Variants in ERN1 observed in about 807,000 individuals in gnomAD.
The protein encoded by ERN1 is endoplasmic reticulum to nucleus signaling 1, also known as serine/threonine-protein kinase/endoribonuclease IRE1.
ERN1 carries 39 observed loss-of-function variants against 113.1 expected under a neutral mutation model. That is an observed-to-expected ratio of 0.34 (90% CI 0.27 to 0.45). ERN1 has a LOEUF of 0.45. Among genes scored for constraint, ERN1 ranks in the 20% least tolerant of loss-of-function variants. ERN1 has a pLI of 1.00. For missense variants in ERN1, 976 were observed against 1,274.8 expected, an observed-to-expected ratio of 0.77 and a Z score of 3.57; for synonymous variants, 507 against 515.9, an observed-to-expected ratio of 0.98 and a Z score of 0.23.
chr17:64,120,501 T>C (rs1345453479), intron 1 of ERN1, among the ~76,000 whole-genome samples: 2 of 152,126 alleles, frequency 1.3e-5, no homozygotes, highest in Non-Finnish European at 2.9e-5. Flanking sequence ...CACTGGAGAA[T>C]GGGATGGTTT....
intron 5 of ERN1, among the ~76,000 whole-genome samples, chr17:64,072,793 T>C (rs778684073): frequency 3.3e-5 from 5 of 152,202 alleles, no homozygotes; most frequent in Non-Finnish European, 5.9e-5. Context: ...CAATGGTATA[T>C]ACCCAACAGC....
intron 1 of ERN1, among the ~76,000 whole-genome samples, chr17:64,108,205 T>TAA (rs373266754): frequency 2.8e-5 from 4 of 141,294 alleles, no homozygotes; most frequent in African/African-American, 5.1e-5. Context: ...TAGATCTGAT[T>TAA]AAAAAAAAAA....
intron 12 of ERN1, 147 bp from the exon 13 acceptor site, chr17:64,056,095 G>T: frequency 7.6e-7 from 1 of 1,312,608 alleles, no homozygotes; most frequent in Non-Finnish European, 1.0e-6. Context: ...GAAGGCACCT[G>T]GAAGCAGAAT....
intron 1 of ERN1, among the ~76,000 whole-genome samples, chr17:64,108,617 G>A (rs946487121): frequency 6.6e-6 from 1 of 152,094 alleles, no homozygotes; most frequent in African/African-American, 2.4e-5. Context: ...ACTCTATTTT[G>A]TTGTCTTTGC....
chr17:64,053,269 C>A lies in ERN1; in HGVS notation c.2053+3G>T. 1 of 1,602,062 alleles carries A rather than the reference C, an allele frequency of 6.2e-7. No homozygotes were observed. The highest frequency in any genetic ancestry group is 8.5e-7 in the Non-Finnish European group (1 of 1,175,326). On this transcript the variant is annotated splice_donor_region_variant and intron_variant, in intron 16 of 21. Coordinates refer to ENST00000433197, the MANE Select transcript of ERN1 (RefSeq NM_001433.5). ...GCTGGCCTGGTAAAGTGCAGCCTCT[C>A]ACCGATGTTGAGGGAGTGGAGGTGG...
intron 1 of ERN1, among the ~76,000 whole-genome samples, chr17:64,117,060 A>G (rs1371964859): frequency 1.3e-5 from 2 of 148,462 alleles, no homozygotes; most frequent in Non-Finnish European, 3.0e-5. Context: ...TGCAGTGAGC[A>G]GAGATCATGC....
At chr17:64,079,416 T>C (rs1252150473) in intron 4 of ERN1, among the ~76,000 whole-genome samples, 1 of 152,194 alleles carries the variant, frequency 6.6e-6, no homozygotes, top group Non-Finnish European at 1.5e-5. Flanking sequence ...GTGTATGGGC[T>C]GGGCCATGAG....
chr17:64,056,461 A>C (rs1473666785), intron 12 of ERN1, among the ~76,000 whole-genome samples: 1 of 152,206 alleles, frequency 6.6e-6, no homozygotes, highest in Non-Finnish European at 1.5e-5. Context: ...TATGCAGAGT[A>C]CATCTGCATA....
At chr17:64,086,637 CTTTTT>C (rs773655917) in intron 2 of ERN1, among the ~76,000 whole-genome samples, 170 of 47,560 alleles carry the variant, frequency 3.6e-3, no homozygotes, top group African/African-American at 0.013. Flanking sequence ...CTTTTCTTTC[CTTTTT>C]TTTTTTTTTT....
At chr17:64,104,758 G>A (rs1471735146) in intron 1 of ERN1, among the ~76,000 whole-genome samples, 1 of 152,088 alleles carries the variant, frequency 6.6e-6, no homozygotes, top group African/African-American at 2.4e-5. Context: ...GGAAGGGGTT[G>A]CAGTGAGCCA....
At chr17:64,080,952 A>G in intron 2 of ERN1, 144 bp from the exon 3 acceptor site, 1 of 695,570 alleles carries the variant, frequency 1.4e-6, no homozygotes, top group Non-Finnish European at 2.5e-6. Context: ...CGTGAAGGTT[A>G]TATGCATTTT....
intron 1 of ERN1, among the ~76,000 whole-genome samples, chr17:64,106,306 G>C (rs914534149): frequency 6.6e-6 from 1 of 152,240 alleles, no homozygotes; most frequent in Non-Finnish European, 1.5e-5. Flanking sequence ...TTACTGCCCA[G>C]TTAGGACATA....
rs1223081183 is a variant in ERN1, at chr17:64,063,227, G to T, written c.1087+759C>A. On this transcript the variant is annotated intron_variant, in intron 10 of 21. Coordinates refer to ENST00000433197, the MANE Select transcript of ERN1 (RefSeq NM_001433.5). This position sits in a 1 kb window ranked among gnomAD's most constrained non-coding sequence, Gnocchi z 5.1. ...GGCTGGGAGGTGGCAGAACAGTGAGGGATGGGGCACAGGAAGGGCAGATGG... is the reference window on the plus strand; with the variant it reads ...GGCTGGGAGGTGGCAGAACAGTGAGTGATGGGGCACAGGAAGGGCAGATGG... 6.6e-6 allele frequency among the ~76,000 whole-genome samples: 1 copy of T among 152,236 alleles called. No homozygotes were observed. Among genetic ancestry groups the T allele is most frequent in the Non-Finnish European group, 1.5e-5 (1 of 68,042 alleles).
chr17:64,128,145 C>T (rs535435719), intron 1 of ERN1, among the ~76,000 whole-genome samples: 8 of 151,126 alleles, frequency 5.3e-5, no homozygotes, highest in Non-Finnish European at 8.8e-5. Flanking sequence ...CAGGCCTGCG[C>T]TACCACGCCC....
In ERN1 at chr17:64,042,170, T is replaced by A. The variant is rs1305676159; in HGVS notation, c.*1818A>T. ...GAGCTCTGTCTCAGGCCACCTGGCATGCGGCATGGGAGCAGCAGGAAATGC... is the reference window on the plus strand; with the variant it reads ...GAGCTCTGTCTCAGGCCACCTGGCAAGCGGCATGGGAGCAGCAGGAAATGC... On this transcript the variant is annotated 3_prime_UTR_variant, in exon 22 of 22. Coordinates refer to ENST00000433197, the MANE Select transcript of ERN1 (RefSeq NM_001433.5). The A allele has an allele frequency of 1.3e-5, 2 of 152,334 alleles. No individual in the cohort carries two copies. Among genetic ancestry groups the A allele is most frequent in the Non-Finnish European group, 2.9e-5 (2 of 68,152 alleles). 9.4% of individuals were successfully genotyped at this position (152,334 alleles called of 1,614,324 possible).
At chr17:64,122,590 T>C (rs9911085) in intron 1 of ERN1, among the ~76,000 whole-genome samples, 57,424 of 152,160 alleles carry the variant, frequency 0.38, 16,434 homozygotes, top group African/African-American at 0.81. Flanking sequence ...AAAAATCCTG[T>C]TCACTTTAGG....
chr17:64,093,800 T>A (rs565685468), intron 2 of ERN1, among the ~76,000 whole-genome samples: 142 of 152,348 alleles, frequency 9.3e-4, no homozygotes, highest in Middle Eastern at 6.8e-3. Context: ...ACAGGGCATG[T>A]TGCTCCTTGC....
At position 64,066,746 on chromosome 17, in the gene ERN1, A is replaced by G; in HGVS notation, c.767T>C (p.Met256Thr). The G allele has an allele frequency of 6.2e-7, 1 of 1,613,960 alleles. No homozygotes were observed. The highest frequency in any genetic ancestry group is 8.5e-7 in the Non-Finnish European group (1 of 1,179,872). ...AVETLRYLTF[M>T]SGEVGRITKW... ...TGTGATGCGCCCCACCTCCCCAGAC[A>G]TGAAGGTCAGATAGCGCAGGGTCTC... The change falls in exon 8 of 22, where the codon ATG (methionine) becomes ACG (threonine). Residue 256 changes from methionine to threonine, a missense_variant. This residue lies in a region of ERN1 where 459 missense variants were observed against 581.2 expected (regional missense o/e 0.79). Transcript: ENST00000433197.
intron 2 of ERN1, among the ~76,000 whole-genome samples, chr17:64,094,017 A>G (rs889568201): frequency 6.6e-6 from 1 of 152,226 alleles, no homozygotes; most frequent in Non-Finnish European, 1.5e-5. Flanking sequence ...TGTACAACCA[A>G]GGATTGCCCT....
Sources: gnomAD v4.1 joint callset for allele counts (sites outside exome capture counted in the v4.1 genomes callset) on GRCh38, gnomAD v4.1.1 for gene constraint, gnomAD v4.1.1 regional missense constraint, Gnocchi (gnomAD v3.1) non-coding constraint, MANE v1.5 for transcripts, NCBI Gene and HGNC (gene_info 2026-07-23, HGNC 2026-07-21) for gene names.